The following TRPM8 variants were observed in gnomAD, a reference collection of about 807,000 sequenced individuals.
The protein encoded by TRPM8 is transient receptor potential cation channel subfamily M member 8.
Under a neutral mutation model 133.7 loss-of-function variants are expected in TRPM8, and 110 were observed. The ratio of observed to expected loss-of-function variants is 0.82; its 90% CI spans 0.70 to 0.96. TRPM8 has a LOEUF of 0.96. TRPM8 is among the 40% of genes least tolerant of loss of function. The pLI, the probability that TRPM8 is intolerant of heterozygous loss-of-function variation, is 0.00. For missense variants in TRPM8, 1,291 were observed against 1,379.5 expected (o/e 0.94, Z 1.02); for synonymous variants, 535 against 532.3 (o/e 1.01, Z -0.07).
At chr2:233,970,127 T>G in intron 16 of TRPM8, 83 bp from the exon 17 acceptor site, 1 of 1,264,408 alleles carries the variant, frequency 7.9e-7, no homozygotes, top group Non-Finnish European at 1.2e-6. Flanking sequence ...GGGTCTGTAT[T>G]TATCTATGTT....
At chr2:233,953,874 C>A (rs1168379163) in intron 9 of TRPM8, 43 bp from the exon 10 acceptor site, 2 of 1,505,958 alleles carry the variant, frequency 1.3e-6, no homozygotes, top group East Asian at 2.3e-5. Context: ...GCTCCTCATG[C>A]CTAAAATCTG....
intron 2 of TRPM8, among the ~76,000 whole-genome samples, chr2:233,930,094 C>T (rs970901149): frequency 4.6e-5 from 7 of 152,194 alleles, no homozygotes; most frequent in African/African-American, 1.4e-4. Context: ...TACCTTCTTC[C>T]ACTTTGAGGA....
chr2:233,927,926 C>CTCTCTCTCTT (rs1691594917), intron 2 of TRPM8, among the ~76,000 whole-genome samples: 1 of 21,100 alleles, frequency 4.7e-5, no homozygotes, highest in Non-Finnish European at 9.3e-5. Flanking sequence ...CTCTCTCTTT[C>CTCTCTCTCTT]TCTCTCTCTC....
At chr2:233,980,410 T>C in intron 18 of TRPM8, 131 bp downstream of exon 18, 1 of 581,502 alleles carries the variant, frequency 1.7e-6, no homozygotes, top group East Asian at 3.2e-5. Flanking sequence ...CCATGGTGTC[T>C]GCTTTATAGA....
intron 17 of TRPM8, among the ~76,000 whole-genome samples, chr2:233,977,145 G>A (rs1039573559): frequency 1.3e-5 from 2 of 152,132 alleles, no homozygotes; most frequent in Non-Finnish European, 2.9e-5. Flanking sequence ...TTGAAACGAG[G>A]CAGTCAATAA....
intron 2 of TRPM8, among the ~76,000 whole-genome samples, chr2:233,927,912 C>CTCTCTCTT (rs1691591626): frequency 3.5e-5 from 1 of 28,330 alleles, no homozygotes; most frequent in Non-Finnish European, 5.2e-5. Flanking sequence ...CTTTCTTTCT[C>CTCTCTCTT]TCTCTCTCTC....
intron 2 of TRPM8, among the ~76,000 whole-genome samples, chr2:233,927,459 C>A (rs891199322): frequency 6.6e-5 from 10 of 152,206 alleles, no homozygotes; most frequent in African/African-American, 2.4e-4. Context: ...AAGGAGGTGC[C>A]AGCCCTCAGG....
At chr2:233,974,641 T>TG (rs1691820947) in intron 17 of TRPM8, among the ~76,000 whole-genome samples, 1 of 152,190 alleles carries the variant, frequency 6.6e-6, no homozygotes, top group Non-Finnish European at 1.5e-5. Flanking sequence ...CTGGACCACC[T>TG]GGGAGGTCAC....
intron 24 of TRPM8, among the ~76,000 whole-genome samples, chr2:234,009,267 T>G (rs1692772322): frequency 6.6e-6 from 1 of 152,196 alleles, no homozygotes; most frequent in Admixed American, 6.5e-5. Context: ...CGTGGTGTGT[T>G]TGTAGAGAAA....
intron 8 of TRPM8, among the ~76,000 whole-genome samples, chr2:233,948,173 A>T (rs571667594): frequency 6.6e-6 from 1 of 152,356 alleles, no homozygotes; most frequent in South Asian, 2.1e-4. Flanking sequence ...TGGAATCATC[A>T]TCTAGTACTT....
chr2:233,999,619 T>C (rs558104018), intron 22 of TRPM8, among the ~76,000 whole-genome samples: 2 of 152,114 alleles, frequency 1.3e-5, no homozygotes, highest in South Asian at 2.1e-4. Flanking sequence ...TGCTGGTTTA[T>C]CAAAAGAAGG....
At chr2:233,937,112 T>C (rs1252952274) in intron 3 of TRPM8, among the ~76,000 whole-genome samples, 2 of 152,102 alleles carry the variant, frequency 1.3e-5, no homozygotes, top group Admixed American at 6.5e-5. Context: ...CCTAGCCTGG[T>C]CTTGAAATCC....
chr2:233,997,753 G>A (rs537662169), intron 22 of TRPM8, among the ~76,000 whole-genome samples: 4 of 152,136 alleles, frequency 2.6e-5, no homozygotes, highest in East Asian at 3.9e-4. Context: ...TCAACCCAAC[G>A]CATCCACACA....
intron 1 of TRPM8, among the ~76,000 whole-genome samples, chr2:233,920,825 C>A (rs1464830374): frequency 6.6e-6 from 1 of 151,432 alleles, no homozygotes; most frequent in East Asian, 1.9e-4. Flanking sequence ...TTGGCATTGG[C>A]ACAATGCAAA....
intron 22 of TRPM8, 152 bp from the exon 23 acceptor site, chr2:234,006,701 G>C: frequency 1.8e-6 from 1 of 562,548 alleles, no homozygotes. Context: ...CTCTGATGCT[G>C]TCACTAGGAA....
chr2:233,951,405 G>A (rs1013844705), intron 9 of TRPM8, among the ~76,000 whole-genome samples: 2 of 152,292 alleles, frequency 1.3e-5, no homozygotes, highest in Admixed American at 6.5e-5. Context: ...CATAGAGGAA[G>A]AAACGGATGA....
chr2:233,971,051 C>A (rs1691701165), intron 17 of TRPM8, among the ~76,000 whole-genome samples: 1 of 152,172 alleles, frequency 6.6e-6, no homozygotes, highest in Non-Finnish European at 1.5e-5. Context: ...GGTGTTATCC[C>A]TAAACCATTA....
intron 5 of TRPM8, among the ~76,000 whole-genome samples, chr2:233,941,226 C>G (rs1205738952): frequency 2.6e-5 from 4 of 152,146 alleles, no homozygotes; most frequent in Non-Finnish European, 5.9e-5. Flanking sequence ...GGCTACATGA[C>G]TTTTAGCTAT....
chr2:234,010,430 C>T (rs954754260), intron 24 of TRPM8, among the ~76,000 whole-genome samples: 2 of 152,174 alleles, frequency 1.3e-5, no homozygotes, highest in African/African-American at 4.8e-5. Context: ...GTGAATCATG[C>T]TGCAGTGAAT....
Sources: gnomAD v4.1 joint callset for allele counts (sites outside exome capture counted in the v4.1 genomes callset) on GRCh38, gnomAD v4.1.1 for gene constraint, MANE v1.5 for transcripts, NCBI Gene and HGNC (gene_info 2026-07-23, HGNC 2026-07-21) for gene names.